CLIP2: variants seen among roughly 807,000 people sequenced by gnomAD.
CLIP2 encodes the protein CAP-Gly domain-containing linker protein 2.
In CLIP2, 41 loss-of-function variants were observed where a neutral mutation model predicts 111.7. That is an observed-to-expected ratio of 0.37 (90% CI 0.29 to 0.48). The LOEUF is 0.48. Among genes scored for constraint, CLIP2 ranks in the 20% least tolerant of loss-of-function variants. CLIP2 has a pLI of 0.99. For missense variants in CLIP2, 1,160 were observed against 1,422.1 expected, an observed-to-expected ratio of 0.82 and a Z score of 2.96; for synonymous variants, 660 against 644.2, an observed-to-expected ratio of 1.02 and a Z score of -0.37.
rs1282980071 is a variant in CLIP2 at position 74,357,473 on chromosome 7, A to G, written c.1211A>G (p.Glu404Gly). The G allele has an allele frequency of 1.2e-6, 2 of 1,611,814 alleles. No homozygotes were observed. Among genetic ancestry groups the G allele is most frequent in the Admixed American group, 3.4e-5 (2 of 59,650 alleles). ...ATTGCCCTGCTCAAGGCACAGCATG[A>G]GCAGGTGAGTGGCAGGTGGGGCTGG... is the stretch of plus-strand genomic sequence containing the variant. ...KEIALLKAQH[E>G]QYVAEAEEKL... is the part of the protein sequence containing the mutation. Residue 404 changes from glutamate to glycine, a missense_variant, in exon 6 of 17, where the codon GAG becomes GGG. Glu to Gly is a moderately conservative substitution (Grantham distance 98). Coordinates refer to ENST00000223398, the MANE Select transcript of CLIP2 (RefSeq NM_003388.5).
chr7:74,343,859 G>A (rs1166991896), intron 3 of CLIP2, among the ~76,000 whole-genome samples: 6 of 151,882 alleles, frequency 4.0e-5, no homozygotes, highest in Admixed American at 3.3e-4. Context: ...GCCACGATGG[G>A]ACCACCGCAC....
intron 2 of CLIP2, among the ~76,000 whole-genome samples, chr7:74,323,202 C>A (rs1789012503): frequency 6.6e-6 from 1 of 151,752 alleles, no homozygotes; most frequent in Non-Finnish European, 1.5e-5. Flanking sequence ...CCTCGACCTC[C>A]TGGGCTCATG....
chr7:74,310,305 CTTT>C (rs1788609665), intron 1 of CLIP2, among the ~76,000 whole-genome samples: 1 of 151,740 alleles, frequency 6.6e-6, no homozygotes. Flanking sequence ...CAGGAGGATC[CTTT>C]CAGTCCAGGA....
chr7:74,293,430 G>A (rs1788082110), intron 1 of CLIP2, among the ~76,000 whole-genome samples: 1 of 152,126 alleles, frequency 6.6e-6, no homozygotes, highest in South Asian at 2.1e-4. Context: ...TGTGTTGAAT[G>A]GGGCTGTAGC....
At chr7:74,355,607 C>T (rs1460405314) in intron 4 of CLIP2, among the ~76,000 whole-genome samples, 1 of 152,092 alleles carries the variant, frequency 6.6e-6, no homozygotes, top group Admixed American at 6.6e-5. Flanking sequence ...CAGACCCTGT[C>T]TCGAAAGAAA....
At chr7:74,318,091 G>C (rs1213872571) in intron 2 of CLIP2, among the ~76,000 whole-genome samples, 1 of 151,862 alleles carries the variant, frequency 6.6e-6, no homozygotes, top group Admixed American at 6.6e-5. Context: ...CCAGCTACTC[G>C]AGAGGCTGAG....
chr7:74,337,688 C>G (rs1000646551), intron 2 of CLIP2, among the ~76,000 whole-genome samples: 2 of 151,904 alleles, frequency 1.3e-5, no homozygotes, highest in Non-Finnish European at 2.9e-5. Flanking sequence ...CTCCACCTCT[C>G]GAGTTCAAGT....
intron 3 of CLIP2, among the ~76,000 whole-genome samples, chr7:74,349,468 GTGTATA>G (rs1479423239): frequency 0.018 from 1,087 of 61,672 alleles, 14 homozygotes; most frequent in Non-Finnish European, 0.026. Flanking sequence ...GTGTGTGTGT[GTGTATA>G]TATATATATA....
intron 7 of CLIP2, among the ~76,000 whole-genome samples, chr7:74,361,107 C>T (rs564628358): frequency 9.9e-5 from 15 of 150,916 alleles, no homozygotes; most frequent in African/African-American, 3.4e-4. Context: ...TCCATTTCCC[C>T]TTTTTTCCCT....
intron 11 of CLIP2, chr7:74,381,503 A>C: frequency 4.8e-6 from 2 of 419,126 alleles, no homozygotes; most frequent in Non-Finnish European, 4.8e-6. Flanking sequence ...AACTTTAAAA[A>C]CAGGTCTAAA....
chr7:74,358,012 C>T (rs1554308893), intron 6 of CLIP2, among the ~76,000 whole-genome samples: 1 of 150,492 alleles, frequency 6.6e-6, no homozygotes, highest in East Asian at 2.0e-4. Flanking sequence ...GCCTTGGCCT[C>T]CCAAAGTGCT....
chr7:74,293,896 C>T (rs67392791), intron 1 of CLIP2, among the ~76,000 whole-genome samples: 35,411 of 150,312 alleles, frequency 0.24, 5,538 homozygotes, highest in African/African-American at 0.45. Flanking sequence ...GTCCAACCGG[C>T]AGCGTGGGAC....
chr7:74,330,903 TA>T (rs1257150852), intron 2 of CLIP2, among the ~76,000 whole-genome samples: 3 of 151,916 alleles, frequency 2.0e-5, no homozygotes, highest in African/African-American at 7.3e-5. Context: ...TTTTTTCTTT[TA>T]AAACATATTA....
intron 2 of CLIP2, among the ~76,000 whole-genome samples, chr7:74,336,153 C>T (rs1019107293): frequency 1.1e-4 from 17 of 151,960 alleles, no homozygotes; most frequent in Admixed American, 3.9e-4. Context: ...CTGCAACCTC[C>T]GCCTCCTGGG....
intron 12 of CLIP2, among the ~76,000 whole-genome samples, chr7:74,388,031 T>TA (rs1791167335): frequency 6.6e-6 from 1 of 152,024 alleles, no homozygotes; most frequent in Non-Finnish European, 1.5e-5. Context: ...CTATGAAACA[T>TA]ACAAAAATTT....
At chr7:74,323,081 TTTTATTTATTTATTTATTTA>T (rs58819810) in intron 2 of CLIP2, among the ~76,000 whole-genome samples, 14 of 144,930 alleles carry the variant, frequency 9.7e-5, no homozygotes, top group South Asian at 2.3e-4. Flanking sequence ...TTTAGCTATG[TTTTATTTATTTATTTATTTA>T]TTTATTTATT....
chr7:74,395,311 T>C (rs1554316505), intron 13 of CLIP2, among the ~76,000 whole-genome samples: 3 of 152,032 alleles, frequency 2.0e-5, no homozygotes, highest in Middle Eastern at 6.8e-3. Flanking sequence ...AGGCATGCAC[T>C]ACCACGCCCA....
chr7:74,289,832 G>C (rs1554725130), intron 1 of CLIP2, 98 bp downstream of exon 1: 1 of 150,714 alleles, frequency 6.6e-6, no homozygotes, highest in Non-Finnish European at 1.5e-5. Context: ...GGGGCTGCGG[G>C]CCCGGAGGCA....
chr7:74,403,484 G>A (rs1791680545), intron 16 of CLIP2, among the ~76,000 whole-genome samples: 2 of 152,146 alleles, frequency 1.3e-5, no homozygotes, highest in Admixed American at 6.5e-5. Context: ...CAGGAGAATC[G>A]CTTGAACCAG....
Sources: gnomAD v4.1 joint callset for allele counts (sites outside exome capture counted in the v4.1 genomes callset) on GRCh38, gnomAD v4.1.1 for gene constraint, MANE v1.5 for transcripts, NCBI Gene and HGNC (gene_info 2026-07-23, HGNC 2026-07-21) for gene names.